Variants in KCNQ1 observed in about 807,000 individuals in gnomAD.
KCNQ1 encodes potassium voltage-gated channel subfamily KQT member 1.
A neutral mutation model predicts 72.4 loss-of-function variants in KCNQ1; 49 were observed. The observed-to-expected ratio is 0.68, with a 90% CI of 0.54 to 0.86. The LOEUF (loss-of-function observed/expected upper bound fraction) is 0.86, where lower values mean the gene tolerates loss of function less well. Among genes scored for constraint, KCNQ1 ranks in the 40% least tolerant of loss-of-function variants. The probability of loss-of-function intolerance (pLI) is 0.00; values close to 1 mark genes in which losing one functional copy is unlikely to be tolerated. For missense variants in KCNQ1, 790 were observed against 945.1 expected, an observed-to-expected ratio of 0.84 and a Z score of 2.15; for synonymous variants, 450 against 412.6, an observed-to-expected ratio of 1.09 and a Z score of -1.10.
Position 2,628,389 on chromosome 11 carries a change from G to A in KCNQ1, c.1394-33572G>A, listed in dbSNP as rs186650003. On this transcript the variant is annotated intron_variant, in intron 10 of 15. Transcript: ENST00000155840. ...CATTTGCATTTCCCTGATGATAAGT[G>A]ATGTTAAGCACCTTTTTATATACCT... The A allele has an allele frequency of 1.1e-3, 451 of 398,442 alleles. 10 individuals are homozygous for A. The South Asian group carries it at 0.022, about 20-fold the overall frequency. The allele number at this position is 398,442 out of a possible 1,614,324, so 24.7% of individuals were successfully genotyped here.
chr11:2,596,663 C>G (rs1337431843), intron 10 of KCNQ1, among the ~76,000 whole-genome samples: 1 of 150,800 alleles, frequency 6.6e-6, no homozygotes, highest in Admixed American at 6.6e-5. Context: ...GAGTGACAAA[C>G]AAGTCAGTGG....
rs542088549 is a variant in KCNQ1, at chr11:2,463,073, A to T, written c.386+17589A>T. On this transcript the variant is annotated intron_variant, in intron 1 of 15. Coordinates refer to ENST00000155840, the MANE Select transcript of KCNQ1 (RefSeq NM_000218.3). The surrounding 1 kb of genome is among the most constrained non-coding windows in gnomAD (Gnocchi z 7.0). ...GGGTCCTCAGGGGTCCTTCAGGGAT[A>T]TACCTGCTGTCAGGGTGTGGGGAGT... is the stretch of plus-strand genomic sequence containing the variant. 6.6e-6 allele frequency among the ~76,000 whole-genome samples: 1 copy of T among 152,026 alleles called. No individual in the cohort carries two copies. Among genetic ancestry groups the T allele is most frequent in the African/African-American group, 2.4e-5 (1 of 41,480 alleles).
Position 2,543,856 on chromosome 11 carries a change from T to C in KCNQ1, c.477+15838T>C, listed in dbSNP as rs955722368. ...GTCCAGTGTCATTTGTTGAAAAGAG[T>C]ATCCTTTACCCAGTGAATCATCTTG... On this transcript the variant is annotated intron_variant, in intron 2 of 15. Transcript: ENST00000155840. This position sits in a 1 kb window ranked among gnomAD's most constrained non-coding sequence, Gnocchi z 5.6. 6.6e-6 allele frequency among the ~76,000 whole-genome samples: 1 copy of C among 152,178 alleles called. No individual in the cohort carries two copies. Among genetic ancestry groups the C allele is most frequent in the African/African-American group, 2.4e-5 (1 of 41,446 alleles).
Position 2,847,852 on chromosome 11 carries a change from G to T in KCNQ1, c.1880G>T (p.Ser627Ile). Residue 627 changes from serine to isoleucine, a missense_variant, in exon 16 of 16, where the codon AGC (serine) becomes ATC (isoleucine). Transcript: ENST00000155840. ...TTGCACGGTGGCAGCACCCCCGGCA[G>T]CGGCGGCCCCCCCAGAGAGGGCGGG... ...LSLHGGSTPG[S>I]GGPPREGGAH... is the part of the protein sequence containing the mutation. 6.4e-7 allele frequency: 1 copy of T among 1,572,990 alleles called. No homozygotes were observed. Among genetic ancestry groups the T allele is most frequent in the Non-Finnish European group, 8.6e-7 (1 of 1,158,910 alleles).
In KCNQ1 at chr11:2,621,126, C is replaced by T. The variant is rs529120598; in HGVS notation, c.1393+32272C>T. On this transcript the variant is annotated intron_variant, in intron 10 of 15. Coordinates refer to ENST00000155840, the MANE Select transcript of KCNQ1 (RefSeq NM_000218.3). The surrounding 1 kb of genome is among the most constrained non-coding windows in gnomAD (Gnocchi z 5.7). The stretch of plus-strand genomic sequence containing the variant: ...CTGAGTAGCTGGGATTACAGGTGAC[C>T]GCCACCATACCTGGCTAATTTTTGT... 3.0e-5 allele frequency: 12 copies of T among 396,606 alleles called. No homozygotes were observed. The highest frequency in any genetic ancestry group is 2.9e-4 in the South Asian group (2 of 6,988). The allele number at this position is 396,606 out of a possible 1,614,324, so 24.6% of individuals were successfully genotyped here.
chr11:2,558,427 G>T (rs1442046512), intron 2 of KCNQ1, among the ~76,000 whole-genome samples: 1 of 152,196 alleles, frequency 6.6e-6, no homozygotes, highest in South Asian at 2.1e-4. Flanking sequence ...TCTCCAGGCG[G>T]GGGGGTCCAC....
intron 11 of KCNQ1, among the ~76,000 whole-genome samples, chr11:2,749,648 A>ATT (rs1167171420): frequency 1.0e-5 from 1 of 95,876 alleles, no homozygotes. Context: ...ATACAAAAAA[A>ATT]AAAAAAAAAA....
At chr11:2,834,032 T>A (rs893125564) in intron 15 of KCNQ1, among the ~76,000 whole-genome samples, 1 of 152,142 alleles carries the variant, frequency 6.6e-6, no homozygotes, top group Non-Finnish European at 1.5e-5. Context: ...AGGGGCTGGC[T>A]CCCGGGAGGA....
chr11:2,841,294 G>A (rs1590124509), intron 15 of KCNQ1, among the ~76,000 whole-genome samples: 1 of 152,188 alleles, frequency 6.6e-6, no homozygotes, highest in African/African-American at 2.4e-5. Context: ...TGCAAAAGGA[G>A]ACTGGATTTT....
chr11:2,837,120 G>T (rs967446441), intron 15 of KCNQ1, among the ~76,000 whole-genome samples: 1 of 152,146 alleles, frequency 6.6e-6, no homozygotes, highest in Non-Finnish European at 1.5e-5. Context: ...GGCTCACATG[G>T]TGTGCGTGTT....
At position 2,493,155 on chromosome 11, in the gene KCNQ1, T is replaced by C. The variant is rs1355186971; in HGVS notation, c.387-34773T>C. On this transcript the variant is annotated intron_variant, in intron 1 of 15. Coordinates refer to ENST00000155840, the MANE Select transcript of KCNQ1 (RefSeq NM_000218.3). This position sits in a 1 kb window ranked among gnomAD's most constrained non-coding sequence, Gnocchi z 5.3. The stretch of plus-strand genomic sequence containing the variant: ...TATGTTTCTTGGCCACATAAATGTC[T>C]TCTTTTGAGAAGTATCTGTTCGTAT... 6.6e-6 allele frequency among the ~76,000 whole-genome samples: 1 copy of C among 152,342 alleles called. No individual in the cohort carries two copies. Among genetic ancestry groups the C allele is most frequent in the Non-Finnish European group, 1.5e-5 (1 of 68,026 alleles).
intron 15 of KCNQ1, among the ~76,000 whole-genome samples, chr11:2,822,378 A>C (rs1847755739): frequency 6.6e-6 from 1 of 152,082 alleles, no homozygotes; most frequent in Non-Finnish European, 1.5e-5. Context: ...GATGGACTGG[A>C]CCCTACCCTC....
At chr11:2,472,173 TTGTG>T (rs1025494004) in intron 1 of KCNQ1, among the ~76,000 whole-genome samples, 5 of 137,616 alleles carry the variant, frequency 3.6e-5, no homozygotes, top group South Asian at 2.4e-4. Flanking sequence ...GTGTGCACCT[TTGTG>T]TGTATATGTG....
In KCNQ1 at chr11:2,491,762, C is replaced by T. The variant is rs1159491247; in HGVS notation, c.387-36166C>T. ...AGCAGATTTAACCCAAAGAAGACTA[C>T]CTCAAGGTATTTAATAGTCAAAGTT... On this transcript the variant is annotated intron_variant, in intron 1 of 15. Coordinates refer to ENST00000155840, the MANE Select transcript of KCNQ1 (RefSeq NM_000218.3). The surrounding 1 kb of genome is among the most constrained non-coding windows in gnomAD (Gnocchi z 4.1). Among the ~76,000 whole-genome samples the T allele has an allele frequency of 6.6e-6, 1 of 151,960 alleles. No individual in the cohort carries two copies. The highest frequency in any genetic ancestry group is 1.5e-5 in the Non-Finnish European group (1 of 68,004).
In KCNQ1 at chr11:2,488,440, T is replaced by C. The variant is rs1017490247; in HGVS notation, c.387-39488T>C. ...GATTGAGAAGGATGGGAGTTTATTC[T>C]TTAAATATTTGGTAGGATTCATTGG... On this transcript the variant is annotated intron_variant, in intron 1 of 15. Coordinates refer to ENST00000155840, the MANE Select transcript of KCNQ1 (RefSeq NM_000218.3). This position sits in a 1 kb window ranked among gnomAD's most constrained non-coding sequence, Gnocchi z 5.1. Among the ~76,000 whole-genome samples, 2 of 152,206 alleles carry C rather than the reference T, an allele frequency of 1.3e-5. No homozygotes were observed. The highest frequency in any genetic ancestry group is 4.8e-5 in the African/African-American group (2 of 41,448).
chr11:2,678,893 G>A lies in KCNQ1; in HGVS notation c.1514+16812G>A, dbSNP rs934414163. 6 of 398,398 alleles carry A rather than the reference G, an allele frequency of 1.5e-5. No individual in the cohort carries two copies. The highest frequency in any genetic ancestry group is 4.4e-5 in the Admixed American group (1 of 22,708). 24.7% of individuals were successfully genotyped at this position (398,398 alleles called of 1,614,324 possible). On this transcript the variant is annotated intron_variant, in intron 11 of 15. Transcript: ENST00000155840. The surrounding 1 kb of genome is among the most constrained non-coding windows in gnomAD (Gnocchi z 4.9). ...GCCAGCTGGACCCAAGGACCATTTC[G>A]TATACATGTATGATCATACTTTCAG...
intron 10 of KCNQ1, chr11:2,632,401 T>A: frequency 7.5e-6 from 3 of 398,448 alleles, no homozygotes; most frequent in Non-Finnish European, 1.3e-5. Context: ...CACTACTATG[T>A]TTAATATAAT....
chr11:2,762,325 G>T lies in KCNQ1; in HGVS notation c.1515-6519G>T, dbSNP rs572349086. Among the ~76,000 whole-genome samples, 2 of 152,094 alleles carry T rather than the reference G, an allele frequency of 1.3e-5. No individual in the cohort carries two copies. The highest frequency in any genetic ancestry group is 4.1e-4 in the South Asian group (2 of 4,824). ...GTGAAAATATTATCCAACTTTCTTC[G>T]ACAGGCCCGATTGCCTCATAGTTAG... On this transcript the variant is annotated intron_variant, in intron 11 of 15. Coordinates refer to ENST00000155840, the MANE Select transcript of KCNQ1 (RefSeq NM_000218.3). The surrounding 1 kb of genome is among the most constrained non-coding windows in gnomAD (Gnocchi z 4.3).
chr11:2,585,010 G>A (rs1848571799), intron 7 of KCNQ1, among the ~76,000 whole-genome samples: 1 of 152,198 alleles, frequency 6.6e-6, no homozygotes, highest in South Asian at 2.1e-4. Context: ...TGGGCCCCTT[G>A]CTGGATAAGA....
Sources: gnomAD v4.1 joint callset for allele counts (sites outside exome capture counted in the v4.1 genomes callset) on GRCh38, gnomAD v4.1.1 for gene constraint, Gnocchi (gnomAD v3.1) non-coding constraint, MANE v1.5 for transcripts, NCBI Gene and HGNC (gene_info 2026-07-23, HGNC 2026-07-21) for gene names.